The following NDRG2 variants were observed in gnomAD, a reference collection of about 807,000 sequenced individuals.
NDRG2 encodes NDRG family member 2.
A neutral mutation model predicts 58.2 loss-of-function variants in NDRG2; 34 were observed. The ratio of observed to expected loss-of-function variants is 0.58; its 90% CI spans 0.44 to 0.78. The LOEUF is 0.78. Ranked by LOEUF, NDRG2 falls within the 30% of genes least tolerant of loss-of-function variation. The pLI, the probability that NDRG2 is intolerant of heterozygous loss-of-function variation, is 0.00. For missense variants in NDRG2, 434 were observed against 471.2 expected (o/e 0.92, Z 0.73); for synonymous variants, 187 against 175.9 (o/e 1.06, Z -0.50).
chr14:21,024,773 C>A lies in NDRG2; in HGVS notation c.-750G>T. On this transcript the variant is annotated 5_prime_UTR_variant, in exon 1 of 16. Coordinates refer to ENST00000556147, the MANE Select transcript of NDRG2 (RefSeq NM_001320329.2). Reference sequence around the variant, plus strand: ...CCGTCCCTACGAGTCCCTACGCAGCCCGTCCGCGTGGAGACTGACACCCTT... The same window carrying A: ...CCGTCCCTACGAGTCCCTACGCAGCACGTCCGCGTGGAGACTGACACCCTT... 1 of 985,604 alleles carries A rather than the reference C, an allele frequency of 1.0e-6. No homozygotes were observed. The highest frequency in any genetic ancestry group is 1.7e-5 in the African/African-American group (1 of 57,384). The allele number at this position is 985,604 out of a possible 1,614,324, so 61.1% of individuals were successfully genotyped here.
intron 1 of NDRG2, among the ~76,000 whole-genome samples, chr14:21,056,429 G>A (rs10144810): frequency 0.83 from 126,304 of 152,220 alleles, 52,467 homozygotes; most frequent in Admixed American, 0.87. Context: ...AAAAATAAAT[G>A]TAATGAATAT....
intron 1 of NDRG2, chr14:21,044,219 T>A (rs1233117498): frequency 6.0e-6 from 1 of 166,624 alleles, no homozygotes; most frequent in Non-Finnish European, 1.5e-5. Context: ...TAAAGGTCAT[T>A]ACCTCTCTAG....
In NDRG2 at chr14:21,024,638, G is replaced by A. The variant is rs1882774754; in HGVS notation, c.-615C>T. The A allele has an allele frequency of 2.0e-6, 2 of 984,094 alleles. No homozygotes were observed. Among genetic ancestry groups the A allele is most frequent in the Non-Finnish European group, 1.2e-6 (1 of 829,466 alleles). The allele number at this position is 984,094 out of a possible 1,614,324, so 61.0% of individuals were successfully genotyped here. ...CCCACGAGTGGAGAAAGGGAGAGGA[G>A]AGCGGTCCCACAATCTTCTCCCGTT... On this transcript the variant is annotated 5_prime_UTR_variant, in exon 1 of 16. Coordinates refer to ENST00000556147, the MANE Select transcript of NDRG2 (RefSeq NM_001320329.2).
chr14:21,058,533 G>A (rs1022144909), intron 1 of NDRG2: 6 of 594,202 alleles, frequency 1.0e-5, no homozygotes, highest in Non-Finnish European at 1.8e-5. Flanking sequence ...AACGATGAAA[G>A]AAGAGGGCAG....
chr14:21,029,566 C>G (rs1883920887), upstream of NDRG2, among the ~76,000 whole-genome samples: 1 of 152,198 alleles, frequency 6.6e-6, no homozygotes, highest in Non-Finnish European at 1.5e-5. Flanking sequence ...CACTGCATTT[C>G]AGCCTGGGCA....
In NDRG2 at chr14:21,062,579, A is replaced by G. The variant is rs536707222; in HGVS notation, c.24+8249T>C. ...AGCAAAATATACTCCCAGAAAAAGT[A>G]AAACTCAAAGGCTGTGGTCAGGTCT... On this transcript the variant is annotated intron_variant, in intron 1 of 14. Transcript: ENST00000403829. Among the ~76,000 whole-genome samples, 8 of 152,322 alleles carry G rather than the reference A, an allele frequency of 5.3e-5. No homozygotes were observed. In the South Asian group the frequency reaches 1.7e-3, roughly 32 times the overall value.
chr14:21,020,060 C>T (rs1418336669), intron 8 of NDRG2, 84 bp from the exon 9 acceptor site: 1 of 1,291,138 alleles, frequency 7.7e-7, no homozygotes, highest in East Asian at 2.4e-5. Flanking sequence ...CTTTGGGAGG[C>T]CGAGGCGGGT....
intron 8 of NDRG2, 37 bp downstream of exon 8, chr14:21,020,459 C>T: frequency 6.4e-7 from 1 of 1,574,514 alleles, no homozygotes; most frequent in Non-Finnish European, 8.7e-7. Context: ...CGAGGGGATC[C>T]CCAACCGTAG....
chr14:21,018,425 T>G lies in NDRG2; in HGVS notation c.861+32A>C, dbSNP rs571253363. 183 of 1,613,066 alleles carry G rather than the reference T, an allele frequency of 1.1e-4. 4 individuals are homozygous for G. In the South Asian group the frequency reaches 2.0e-3, roughly 17 times the overall value. On this transcript the variant is annotated intron_variant, in intron 13 of 15. Coordinates refer to ENST00000556147, the MANE Select transcript of NDRG2 (RefSeq NM_001320329.2). ...GCTGCATGTAGAGAGGATATATGAC[T>G]GTGGACGGGGGCCCAGGAACAGGTT...
intron 1 of NDRG2, among the ~76,000 whole-genome samples, chr14:21,037,508 G>A (rs934950580): frequency 6.6e-6 from 1 of 152,196 alleles, no homozygotes; most frequent in Non-Finnish European, 1.5e-5. Context: ...AGACATTTTT[G>A]GTTGTCACAA....
chr14:21,034,401 C>A, intron 1 of NDRG2: 1 of 769,270 alleles, frequency 1.3e-6, no homozygotes. Context: ...TAGAGATCAT[C>A]TCACCCATAA....
chr14:21,033,775 A>G, intron 1 of NDRG2: 1 of 1,247,852 alleles, frequency 8.0e-7, no homozygotes, highest in Non-Finnish European at 1.2e-6. Flanking sequence ...GGAAATGGAG[A>G]CAGCTGGCCT....
At chr14:21,017,809 A>AG in intron 15 of NDRG2, 47 bp from the exon 16 acceptor site, 2 of 1,605,126 alleles carry the variant, frequency 1.2e-6, no homozygotes, top group East Asian at 2.2e-5. Flanking sequence ...GAAGTGGGGA[A>AG]GGGGGGCTGG....
Position 21,018,401 on chromosome 14 carries a change from C to T in NDRG2, c.861+56G>A, listed in dbSNP as rs955331095. 6 of 1,610,790 alleles carry T rather than the reference C, an allele frequency of 3.7e-6. No homozygotes were observed. In the African/African-American group the frequency reaches 6.7e-5, roughly 18 times the overall value. On this transcript the variant is annotated intron_variant, in intron 13 of 15. Coordinates refer to ENST00000556147, the MANE Select transcript of NDRG2 (RefSeq NM_001320329.2). ...ATGCCGGGCCCTGGAGGCTTAGCAGCTGCATGTAGAGAGGATATATGACTG... is the reference window on the plus strand; with the variant it reads ...ATGCCGGGCCCTGGAGGCTTAGCAGTTGCATGTAGAGAGGATATATGACTG...
chr14:21,067,985 T>TCTCCATGAAAAAAAAAAATGA (rs1566514089), intron 1 of NDRG2, among the ~76,000 whole-genome samples: 11 of 4,288 alleles, frequency 2.6e-3, no homozygotes, highest in African/African-American at 0.013. Flanking sequence ...CTCCCCTTTT[T>TCTCCATGAAAAAAAAAAATGA]TTTTTTTTTT....
At chr14:21,030,910 T>G in intron 1 of NDRG2, 1 of 1,524,200 alleles carries the variant, frequency 6.6e-7, no homozygotes, top group South Asian at 1.3e-5. Flanking sequence ...ACTCACTGAT[T>G]GATAGGACAA....
rs1252306632 is a variant in NDRG2, at chr14:21,022,579, G to C, written c.118-82C>G. ...AGCAACACCAAGGTCAGGGAGCTGGGAGTGGGTGGGCAAGAGGGAAAAGGG... is the reference window on the plus strand; with the variant it reads ...AGCAACACCAAGGTCAGGGAGCTGGCAGTGGGTGGGCAAGAGGGAAAAGGG... On this transcript the variant is annotated intron_variant, in intron 3 of 15. Transcript: ENST00000556147. 6.0e-6 allele frequency: 6 copies of C among 1,008,400 alleles called. No homozygotes were observed. The Admixed American group carries it at 1.3e-4, about 22-fold the overall frequency. The allele number at this position is 1,008,400 out of a possible 1,614,324, so 62.5% of individuals were successfully genotyped here. A position where few individuals can be genotyped will look rare whatever the true frequency, so the allele number is the denominator to read the frequency against.
intron 1 of NDRG2, among the ~76,000 whole-genome samples, chr14:21,064,820 C>G (rs1356147721): frequency 1.3e-5 from 2 of 152,216 alleles, no homozygotes; most frequent in Admixed American, 1.3e-4. Flanking sequence ...TTCCTCCAGA[C>G]TCTTCTACTA....
upstream of NDRG2, chr14:21,025,276 C>A: frequency 2.2e-6 from 2 of 912,398 alleles, no homozygotes; most frequent in Non-Finnish European, 2.6e-6. The surrounding 1 kb of genome is among the most constrained non-coding windows in gnomAD (Gnocchi z 5.1). Context: ...AGGCTCTGCT[C>A]GGCTCACCAA....
Sources: allele counts gnomAD v4.1 joint callset (sites outside exome capture counted in the v4.1 genomes callset), GRCh38; gene constraint gnomAD v4.1.1; non-coding constraint Gnocchi (gnomAD v3.1); transcripts MANE v1.5; gene names NCBI Gene and HGNC (gene_info 2026-07-23, HGNC 2026-07-21).